Variants in STX6 observed in about 807,000 individuals in gnomAD.
STX6 encodes syntaxin-6.
STX6 carries 23 observed loss-of-function variants against 38.0 expected under a neutral mutation model. That is an observed-to-expected ratio of 0.60 (90% CI 0.43 to 0.86). The LOEUF is 0.86. Ranked by LOEUF, STX6 falls within the 40% of genes least tolerant of loss-of-function variation. The pLI is 0.00. For synonymous variants in STX6, 123 were observed against 107.5 expected (o/e 1.14, Z -0.89); for missense variants, 274 against 312.9 (o/e 0.88, Z 0.94).
chr1:180,976,709 T>C, intron 7 of STX6, 63 bp from the exon 8 acceptor site: 1 of 1,463,586 alleles, frequency 6.8e-7, no homozygotes, highest in African/African-American at 1.4e-5. Flanking sequence ...GATACAGTTA[T>C]ATGGAATTTA....
intron 7 of STX6, among the ~76,000 whole-genome samples, chr1:180,982,708 G>T (rs545643668): frequency 6.6e-6 from 1 of 152,308 alleles, no homozygotes; most frequent in South Asian, 2.1e-4. Context: ...GAGGCCTGGA[G>T]TTTAAACTGG....
intron 4 of STX6, among the ~76,000 whole-genome samples, chr1:180,991,257 G>A (rs1484963648): frequency 6.6e-6 from 1 of 152,128 alleles, no homozygotes; most frequent in Non-Finnish European, 1.5e-5. Flanking sequence ...GAGCTTCCAG[G>A]GGCCCAGAGC....
At chr1:181,010,726 A>G (rs971591844) in intron 1 of STX6, among the ~76,000 whole-genome samples, 1 of 152,144 alleles carries the variant, frequency 6.6e-6, no homozygotes, top group African/African-American at 2.4e-5. Flanking sequence ...TTGGTAAGGC[A>G]CCAGGAGTTT....
At chr1:181,008,486 C>G (rs1656291709) in intron 1 of STX6, among the ~76,000 whole-genome samples, 1 of 152,172 alleles carries the variant, frequency 6.6e-6, no homozygotes, top group South Asian at 2.1e-4. Flanking sequence ...TGGAACATTT[C>G]ACATTTGAGA....
intron 1 of STX6, among the ~76,000 whole-genome samples, chr1:181,009,257 A>G (rs1225839462): frequency 6.6e-6 from 1 of 152,178 alleles, no homozygotes; most frequent in Non-Finnish European, 1.5e-5. Flanking sequence ...ACTTGAGGTC[A>G]GGAGTTCAAG....
chr1:181,012,725 A>G (rs1426923145), intron 1 of STX6, among the ~76,000 whole-genome samples: 2 of 131,538 alleles, frequency 1.5e-5, no homozygotes, highest in Admixed American at 8.9e-5. Flanking sequence ...CCCTGGCTGG[A>G]GTACAATGGC....
At chr1:180,984,877 C>G (rs966093936) in intron 6 of STX6, 106 bp from the exon 7 acceptor site, 12 of 497,076 alleles carry the variant, frequency 2.4e-5, no homozygotes, top group Non-Finnish European at 3.7e-5. Context: ...ACAAAATAGG[C>G]AACACTGGGT....
Position 180,977,796 on chromosome 1 carries a change from A to G in STX6, c.692-1150T>C, listed in dbSNP as rs549586967. 3.9e-5 allele frequency among the ~76,000 whole-genome samples: 6 copies of G among 152,370 alleles called. No homozygotes were observed. In the South Asian group the frequency reaches 6.2e-4, roughly 16 times the overall value. On this transcript the variant is annotated intron_variant, in intron 7 of 7. Coordinates refer to ENST00000258301, the MANE Select transcript of STX6 (RefSeq NM_005819.6). ...TCTCAATCTATGAAAATAAACTGCTAAACTCTCCACAAGGCAAAACATGTA... is the reference window on the plus strand; with the variant it reads ...TCTCAATCTATGAAAATAAACTGCTGAACTCTCCACAAGGCAAAACATGTA...
chr1:180,984,005 A>C (rs1224240099), intron 7 of STX6, among the ~76,000 whole-genome samples: 3 of 135,834 alleles, frequency 2.2e-5, no homozygotes, highest in African/African-American at 5.5e-5. Flanking sequence ...TAGAGCTTGC[A>C]GTGAGCCGAG....
At chr1:180,984,806 G>T in intron 6 of STX6, 35 bp from the exon 7 acceptor site, 1 of 1,061,224 alleles carries the variant, frequency 9.4e-7, no homozygotes, top group Non-Finnish European at 1.5e-6. Context: ...TCGCTGGTAA[G>T]CACAAAGCCT....
chr1:180,978,091 A>G (rs1655304011), intron 7 of STX6, among the ~76,000 whole-genome samples: 1 of 152,204 alleles, frequency 6.6e-6, no homozygotes, highest in African/African-American at 2.4e-5. Context: ...TATTACTTCA[A>G]TGGTCAAGAA....
chr1:180,990,808 G>A (rs1282753421), intron 4 of STX6, among the ~76,000 whole-genome samples: 5 of 152,092 alleles, frequency 3.3e-5, no homozygotes, highest in Non-Finnish European at 5.9e-5. Flanking sequence ...CACAAGGGTC[G>A]GGTTTCCCAA....
intron 4 of STX6, among the ~76,000 whole-genome samples, chr1:180,992,001 T>C (rs1655769764): frequency 6.6e-6 from 1 of 150,564 alleles, no homozygotes; most frequent in Admixed American, 6.6e-5. Context: ...CCAACTATAC[T>C]ATCTAGAGAA....
chr1:181,013,230 G>C (rs1012454403), intron 1 of STX6, among the ~76,000 whole-genome samples: 1 of 151,956 alleles, frequency 6.6e-6, no homozygotes, highest in Non-Finnish European at 1.5e-5. Context: ...AGAAGAAAGA[G>C]TATCTCAGCC....
intron 3 of STX6, among the ~76,000 whole-genome samples, chr1:180,995,529 G>A (rs544462103): frequency 6.6e-6 from 1 of 152,290 alleles, no homozygotes; most frequent in South Asian, 2.1e-4. Flanking sequence ...ACTACGCAGA[G>A]CAACATTCAC....
intron 3 of STX6, among the ~76,000 whole-genome samples, chr1:180,993,837 C>T (rs1167527183): frequency 6.8e-6 from 1 of 147,108 alleles, no homozygotes; most frequent in African/African-American, 2.5e-5. Flanking sequence ...TAAAGAACAT[C>T]CCTGGGGTAC....
At position 180,976,372 on chromosome 1, in the gene STX6, C is replaced by T. The variant is rs1205260027; in HGVS notation, c.*198G>A. 2.6e-5 allele frequency: 15 copies of T among 574,258 alleles called. No individual in the cohort carries two copies. Among genetic ancestry groups the T allele is most frequent in the Non-Finnish European group, 9.4e-6 (3 of 318,016 alleles). 35.6% of individuals were successfully genotyped at this position (574,258 alleles called of 1,614,324 possible). A position where few individuals can be genotyped will look rare whatever the true frequency, so the allele number is the denominator to read the frequency against. On this transcript the variant is annotated 3_prime_UTR_variant, in exon 8 of 8. Coordinates refer to ENST00000258301, the MANE Select transcript of STX6 (RefSeq NM_005819.6). ...CAGCTGCAGCCAGGAGTGCAGACATCTATTTCCTCTTCCCACTGGCCCTTC... is the reference window on the plus strand; with the variant it reads ...CAGCTGCAGCCAGGAGTGCAGACATTTATTTCCTCTTCCCACTGGCCCTTC...
At chr1:181,021,282 C>G (rs981288605) in intron 1 of STX6, among the ~76,000 whole-genome samples, 1 of 152,108 alleles carries the variant, frequency 6.6e-6, no homozygotes. Flanking sequence ...TAAAAATTAA[C>G]CCCTAAATCA....
intron 3 of STX6, among the ~76,000 whole-genome samples, chr1:180,996,623 A>C (rs996654572): frequency 1.6e-4 from 24 of 152,008 alleles, no homozygotes; most frequent in Non-Finnish European, 2.5e-4. Flanking sequence ...AGGCATCATC[A>C]GTACGGTGGT....
Sources: allele counts gnomAD v4.1 joint callset (sites outside exome capture counted in the v4.1 genomes callset), GRCh38; gene constraint gnomAD v4.1.1; transcripts MANE v1.5; gene names NCBI Gene and HGNC (gene_info 2026-07-23, HGNC 2026-07-21).